SOX5: variants seen among roughly 807,000 people sequenced by gnomAD.
SOX5 encodes SRY-box transcription factor 5, also known as transcription factor SOX-5.
SOX5 carries 9 observed loss-of-function variants against 92.0 expected under a neutral mutation model. The observed-to-expected ratio is 0.10, with a 90% confidence interval of 0.06 to 0.17. The LOEUF (loss-of-function observed/expected upper bound fraction) is 0.17. Ranked by LOEUF, SOX5 falls within the 10% of genes least tolerant of loss-of-function variation. SOX5 has a pLI of 1.00. For synonymous variants in SOX5, 344 were observed against 336.3 expected (o/e 1.02, Z -0.25); for missense variants, 642 against 944.5 (o/e 0.68, Z 4.20).
intron 2 of SOX5, among the ~76,000 whole-genome samples, chr12:24,281,858 T>C (rs1480322793): frequency 6.6e-6 from 1 of 152,154 alleles, no homozygotes; most frequent in Non-Finnish European, 1.5e-5. Flanking sequence ...GCTAGGCTGG[T>C]ACTAAAGCAG....
intron 4 of SOX5, among the ~76,000 whole-genome samples, chr12:24,071,599 A>G (rs1474484807): frequency 2.6e-5 from 4 of 151,994 alleles, no homozygotes; most frequent in Non-Finnish European, 5.9e-5. Context: ...ACGCCCGGCT[A>G]ATTTTTCATA....
At chr12:24,449,158 A>G (rs1268128257) in intron 1 of SOX5, among the ~76,000 whole-genome samples, 2 of 152,178 alleles carry the variant, frequency 1.3e-5, no homozygotes, top group Non-Finnish European at 2.9e-5. Context: ...AAGCAATCAG[A>G]GGGAAGACTA....
At chr12:24,124,562 C>CA (rs35701853) in intron 4 of SOX5, among the ~76,000 whole-genome samples, 58,580 of 133,186 alleles carry the variant, frequency 0.44, 11,834 homozygotes, top group East Asian at 0.63. Flanking sequence ...AGGAATGGGA[C>CA]AAAAAAAAAA....
At chr12:23,678,558 T>G (rs1312479035) in intron 6 of SOX5, among the ~76,000 whole-genome samples, 1 of 152,176 alleles carries the variant, frequency 6.6e-6, no homozygotes, top group Non-Finnish European at 1.5e-5. Flanking sequence ...TTCCATCCAC[T>G]TGCCCTCTAC....
chr12:23,858,438 A>G (rs2096719210), intron 2 of SOX5, among the ~76,000 whole-genome samples: 2 of 152,198 alleles, frequency 1.3e-5, no homozygotes, highest in South Asian at 2.1e-4. Context: ...AGCATATGAA[A>G]AAAAGCTCAA....
At chr12:24,070,866 C>T (rs1362047148) in intron 4 of SOX5, among the ~76,000 whole-genome samples, 2 of 152,146 alleles carry the variant, frequency 1.3e-5, no homozygotes, top group Non-Finnish European at 2.9e-5. Flanking sequence ...CATGCCCTTC[C>T]AGTCAATTAT....
intron 4 of SOX5, among the ~76,000 whole-genome samples, chr12:23,742,334 G>A (rs1447101673): frequency 6.6e-6 from 1 of 152,070 alleles, no homozygotes; most frequent in Non-Finnish European, 1.5e-5. Context: ...TGTGAATAAG[G>A]CAGTAACCAT....
intron 1 of SOX5, among the ~76,000 whole-genome samples, chr12:24,388,205 T>C (rs1958619976): frequency 6.6e-6 from 1 of 152,198 alleles, no homozygotes; most frequent in Non-Finnish European, 1.5e-5. Flanking sequence ...ATAATTCTAA[T>C]CTTCCTCTAC....
chr12:23,913,684 C>T (rs1262350564), intron 1 of SOX5, among the ~76,000 whole-genome samples: 1 of 149,056 alleles, frequency 6.7e-6, no homozygotes, highest in Non-Finnish European at 1.5e-5. Flanking sequence ...TGCAGTGAGC[C>T]GAGATTGCAC....
chr12:23,577,256 G>A (rs1036762994), intron 9 of SOX5, among the ~76,000 whole-genome samples: 1 of 141,356 alleles, frequency 7.1e-6, no homozygotes, highest in African/African-American at 2.6e-5. Context: ...GTGCAGTGGT[G>A]CAATCTCGGC....
rs755438301 is a variant in SOX5 at position 24,451,176 on chromosome 12, T to A, written c.-250-82537A>T. 3.9e-4 allele frequency among the ~76,000 whole-genome samples: 59 copies of A among 152,254 alleles called. 1 individual carries two copies. Among genetic ancestry groups the A allele is most frequent in the Non-Finnish European group, 4.7e-4 (32 of 68,036 alleles). ...CTCCACTGTGTATAAGTACCACATT[T>A]TCTTTATCCATTCATATGTTGATGG... On this transcript the variant is annotated intron_variant, in intron 1 of 4. Transcript: ENST00000446891.
chr12:23,921,311 A>T (rs1166030691), intron 1 of SOX5, among the ~76,000 whole-genome samples: 1 of 152,110 alleles, frequency 6.6e-6, no homozygotes, highest in East Asian at 1.9e-4. Context: ...AGCACAATGT[A>T]CGCCCTATGA....
At chr12:23,664,777 C>T (rs1034803235) in intron 7 of SOX5, among the ~76,000 whole-genome samples, 9 of 152,056 alleles carry the variant, frequency 5.9e-5, no homozygotes, top group Admixed American at 3.3e-4. Context: ...CATTCAAAAA[C>T]GTTGAATGGT....
At chr12:23,760,527 G>GCTTGCTTTTCC (rs1313304882) in intron 3 of SOX5, among the ~76,000 whole-genome samples, 2 of 151,976 alleles carry the variant, frequency 1.3e-5, no homozygotes, top group Non-Finnish European at 2.9e-5. Flanking sequence ...TGATACATTT[G>GCTTGCTTTTCC]CTTGCTTTTC....
intron 8 of SOX5, among the ~76,000 whole-genome samples, chr12:23,639,892 A>G (rs1219518526): frequency 6.6e-6 from 1 of 152,222 alleles, no homozygotes; most frequent in Non-Finnish European, 1.5e-5. Flanking sequence ...TCATGACAAT[A>G]CCTTTTCACG....
chr12:24,429,477 C>G (rs958362438), intron 1 of SOX5, among the ~76,000 whole-genome samples: 4 of 151,812 alleles, frequency 2.6e-5, no homozygotes, highest in Non-Finnish European at 5.9e-5. Context: ...TAAAATTAAT[C>G]GATTTCAACA....
chr12:23,909,525 C>T (rs183649281), intron 1 of SOX5, among the ~76,000 whole-genome samples: 240 of 152,186 alleles, frequency 1.6e-3, no homozygotes, highest in African/African-American at 5.6e-3. Flanking sequence ...AAAACTTAAT[C>T]AAATAAAAGC....
intron 2 of SOX5, among the ~76,000 whole-genome samples, chr12:24,289,953 ACT>A (rs978467512): frequency 6.6e-6 from 1 of 152,072 alleles, no homozygotes; most frequent in Non-Finnish European, 1.5e-5. Flanking sequence ...ACATCACCAG[ACT>A]CTCTTTCAAT....
intron 1 of SOX5, among the ~76,000 whole-genome samples, chr12:23,909,420 A>T (rs955130693): frequency 2.0e-5 from 3 of 152,218 alleles, no homozygotes; most frequent in Non-Finnish European, 2.9e-5. Flanking sequence ...TTTACTGATT[A>T]GCACAATCAA....
Sources: allele counts gnomAD v4.1 joint callset (sites outside exome capture counted in the v4.1 genomes callset), GRCh38; gene constraint gnomAD v4.1.1; transcripts MANE v1.5; gene names NCBI Gene and HGNC (gene_info 2026-07-23, HGNC 2026-07-21).